Variants in RAB33A observed in about 807,000 individuals in gnomAD.
RAB33A encodes the protein ras-related protein Rab-33A.
In RAB33A, 6 loss-of-function variants were observed where a neutral mutation model predicts 12.0. That is an observed-to-expected ratio of 0.50 (90% CI 0.27 to 0.99). RAB33A has a LOEUF of 0.99. RAB33A is among the 50% of genes least tolerant of loss of function. RAB33A has a pLI of 0.11. For synonymous variants in RAB33A, 70 were observed against 82.4 expected (o/e 0.85, Z 0.81); for missense variants, 109 against 192.0 (o/e 0.57, Z 2.55).
chrX:130,125,524 G>A, the RAB33A span, among the ~76,000 whole-genome samples: 1 of 111,176 alleles, frequency 9.0e-6, no homozygotes, highest in Non-Finnish European at 1.9e-5. Flanking sequence ...GGCACTGGGA[G>A]CGAGTCCCAA....
chrX:130,136,940 GC>G, the RAB33A span: 1 of 1,146,474 alleles, frequency 8.7e-7, no homozygotes, highest in Non-Finnish European at 1.2e-6. Flanking sequence ...GATGAACTTA[GC>G]TGACTGGAGA....
the RAB33A span, chrX:130,131,714 T>G: frequency 8.3e-7 from 1 of 1,211,931 alleles, no homozygotes; most frequent in Non-Finnish European, 1.1e-6. Flanking sequence ...TCTTGTGCAG[T>G]TGCTTTTGCA....
At chrX:130,129,516 C>T in the RAB33A span, 2 of 1,157,035 alleles carry the variant, frequency 1.7e-6, no homozygotes, top group Non-Finnish European at 2.4e-6. Flanking sequence ...TCGACCTCCT[C>T]TCAGGGGCTG....
chrX:130,147,874 A>C, the RAB33A span: 1 of 1,211,408 alleles, frequency 8.3e-7, no homozygotes, highest in Non-Finnish European at 1.1e-6. Flanking sequence ...TCTCCTTCTG[A>C]AGCTGAAAGC....
the RAB33A span, chrX:130,133,574 C>T: frequency 2.2e-6 from 2 of 921,272 alleles, no homozygotes; most frequent in Admixed American, 2.5e-5. Context: ...TCATGTTTTC[C>T]ATCTACAGGC....
At chrX:130,120,792 C>T in the RAB33A span, among the ~76,000 whole-genome samples, 1 of 112,562 alleles carries the variant, frequency 8.9e-6, no homozygotes, top group African/African-American at 3.2e-5. Flanking sequence ...TTTCTAGGCT[C>T]GCGCGCCTTC....
At chrX:130,175,040 G>A (rs1166276181) in intron 1 of RAB33A, among the ~76,000 whole-genome samples, 1 of 111,386 alleles carries the variant, frequency 9.0e-6, no homozygotes, top group Non-Finnish European at 1.9e-5. Context: ...AATAAGCAAA[G>A]AGCCCAGGCT....
chrX:130,172,555 C>G (rs1287576631), intron 1 of RAB33A, among the ~76,000 whole-genome samples: 1 of 111,968 alleles, frequency 8.9e-6, no homozygotes, highest in Non-Finnish European at 1.9e-5. Flanking sequence ...TACCCTTAGC[C>G]CCTGCCTGAC....
the RAB33A span, chrX:130,136,656 T>C: frequency 4.1e-6 from 5 of 1,208,094 alleles, no homozygotes; most frequent in Non-Finnish European, 5.6e-6. Flanking sequence ...CCTGCCGTCT[T>C]TCAGCTTGAT....
chrX:130,116,276 C>T, the RAB33A span, among the ~76,000 whole-genome samples: 1 of 108,412 alleles, frequency 9.2e-6, no homozygotes, highest in Non-Finnish European at 1.9e-5. Flanking sequence ...CCTGCCACCA[C>T]GTCCAGCTAA....
At chrX:130,168,997 G>T (rs932094047), upstream of RAB33A, among the ~76,000 whole-genome samples, 45 of 110,001 alleles carry the variant, frequency 4.1e-4, no homozygotes, top group African/African-American at 1.4e-3. Context: ...CACGAGGTCC[G>T]GAGATCGAGA....
At chrX:130,135,247 C>T in the RAB33A span, among the ~76,000 whole-genome samples, 2 of 108,700 alleles carry the variant, frequency 1.8e-5, no homozygotes, top group African/African-American at 6.7e-5. Flanking sequence ...CCACCACACC[C>T]GGCTAATTTT....
At chrX:130,142,184 G>A in the RAB33A span, among the ~76,000 whole-genome samples, 1 of 112,166 alleles carries the variant, frequency 8.9e-6, no homozygotes, top group East Asian at 2.8e-4. Flanking sequence ...CAAATGTGAT[G>A]TAAGTGGTAA....
At chrX:130,149,620 C>T in the RAB33A span, 6 of 867,064 alleles carry the variant, frequency 6.9e-6, no homozygotes, top group African/African-American at 1.2e-4. Flanking sequence ...CTAGCTCATA[C>T]TGTAAGTAAT....
At chrX:130,140,679 T>C in the RAB33A span, 2 of 878,926 alleles carry the variant, frequency 2.3e-6, no homozygotes, top group African/African-American at 1.9e-5. Context: ...AAAAGTTTTA[T>C]TGAGATATAA....
chrX:130,134,027 G>A, the RAB33A span, among the ~76,000 whole-genome samples: 2 of 110,732 alleles, frequency 1.8e-5, no homozygotes, highest in East Asian at 5.7e-4. Context: ...TGGATCACAA[G>A]GAGTTCGAGA....
upstream of RAB33A, among the ~76,000 whole-genome samples, chrX:130,167,149 C>A (rs1023474172): frequency 2.7e-5 from 3 of 112,219 alleles, no homozygotes; most frequent in Non-Finnish European, 5.6e-5. Context: ...ATTGATATTT[C>A]AGATGGTGAA....
chrX:130,175,223 C>G (rs1432473507), intron 1 of RAB33A, among the ~76,000 whole-genome samples: 1 of 111,266 alleles, frequency 9.0e-6, no homozygotes, highest in Non-Finnish European at 1.9e-5. Context: ...AAGCACTTCG[C>G]CACCTCACTA....
chrX:130,164,693 T>C, the RAB33A span, among the ~76,000 whole-genome samples: 1 of 111,890 alleles, frequency 8.9e-6, no homozygotes, highest in Non-Finnish European at 1.9e-5. Flanking sequence ...GAGACCCGAA[T>C]TCATTCTTAA....
Sources: gnomAD v4.1 joint callset for allele counts (sites outside exome capture counted in the v4.1 genomes callset) on GRCh38, gnomAD v4.1.1 for gene constraint, MANE v1.5 for transcripts, NCBI Gene and HGNC (gene_info 2026-07-23, HGNC 2026-07-21) for gene names.